Variants in XKR4 observed in about 807,000 individuals in gnomAD.
XKR4 encodes the protein XK related 4, also known as XK-related protein 4.
A neutral mutation model predicts 53.9 loss-of-function variants in XKR4; 12 were observed. That is an observed-to-expected ratio of 0.22 (90% confidence interval 0.14 to 0.36). XKR4 has a LOEUF of 0.36. XKR4 is among the 10% of genes least tolerant of loss of function. XKR4 has a pLI of 1.00. For synonymous variants in XKR4, 354 were observed against 362.4 expected (o/e 0.98, Z 0.26); for missense variants, 799 against 859.5 (o/e 0.93, Z 0.88).
intron 2 of XKR4, chr8:55,451,864 G>A (rs1303234076): frequency 1.5e-5 from 13 of 866,174 alleles, no homozygotes; most frequent in Non-Finnish European, 2.5e-5. Flanking sequence ...CAAGGCTGAG[G>A]ACGGGGTCAG....
At chr8:55,515,507 A>C (rs894423958) in intron 2 of XKR4, among the ~76,000 whole-genome samples, 2 of 152,204 alleles carry the variant, frequency 1.3e-5, no homozygotes, top group African/African-American at 2.4e-5. Context: ...ATCTCTAAAC[A>C]CACTGCAGAA....
intron 1 of XKR4, among the ~76,000 whole-genome samples, chr8:55,135,867 A>G (rs1248865727): frequency 6.7e-6 from 1 of 149,290 alleles, no homozygotes; most frequent in Non-Finnish European, 1.5e-5. Context: ...TTTTTCTCTG[A>G]GATTTCCTTT....
chr8:55,449,840 T>C, intron 2 of XKR4: 4 of 1,087,052 alleles, frequency 3.7e-6, no homozygotes, highest in Non-Finnish European at 5.7e-6. Flanking sequence ...GGACCTGTTC[T>C]CACTCTCAGC....
chr8:55,405,951 G>T (rs913562963), intron 2 of XKR4, among the ~76,000 whole-genome samples: 2 of 152,180 alleles, frequency 1.3e-5, no homozygotes, highest in African/African-American at 4.8e-5. Flanking sequence ...GGACCCCACA[G>T]GAGTGAGCAG....
chr8:55,396,629 T>C (rs1804523082), intron 2 of XKR4, among the ~76,000 whole-genome samples: 2 of 152,138 alleles, frequency 1.3e-5, no homozygotes, highest in African/African-American at 4.8e-5. Context: ...GTTTCATTTC[T>C]CACTCCTGGA....
intron 1 of XKR4, chr8:55,164,231 G>GCCTCCCCACA (rs768069278): frequency 4.6e-5 from 21 of 456,392 alleles, no homozygotes; most frequent in African/African-American, 4.2e-4. Flanking sequence ...GAATTCTGTC[G>GCCTCCCCACA]GCATTGAGAC....
chr8:55,347,986 C>T (rs2129383141), intron 1 of XKR4, among the ~76,000 whole-genome samples: 1 of 152,212 alleles, frequency 6.6e-6, no homozygotes, highest in Non-Finnish European at 1.5e-5. Flanking sequence ...AAAGGAAAAC[C>T]TTAGTGAGCC....
intron 1 of XKR4, among the ~76,000 whole-genome samples, chr8:55,326,444 A>G (rs1803293779): frequency 7.0e-6 from 1 of 143,002 alleles, no homozygotes; most frequent in Non-Finnish European, 1.5e-5. Flanking sequence ...ACTACACAAT[A>G]TTCCCCTCAA....
intron 1 of XKR4, among the ~76,000 whole-genome samples, chr8:55,113,231 T>TA (rs1301972375): frequency 6.6e-6 from 1 of 152,210 alleles, no homozygotes; most frequent in Non-Finnish European, 1.5e-5. Context: ...CATGTCCAAA[T>TA]ACTCTAGAAA....
At chr8:55,382,734 C>T (rs1804253521) in intron 2 of XKR4, among the ~76,000 whole-genome samples, 1 of 152,094 alleles carries the variant, frequency 6.6e-6, no homozygotes, top group Admixed American at 6.6e-5. Flanking sequence ...AGAGTAGTTC[C>T]ATTTATCAAT....
In XKR4 at chr8:55,453,312, C is replaced by A. The variant is rs1182529055; in HGVS notation, c.1007-69969C>A. ...AGGCAGCAGTTCATCATACTGATGA[C>A]AAAGTCAAACTGCTGGTGGTCCAGG... On this transcript the variant is annotated intron_variant, in intron 2 of 2. Transcript: ENST00000327381. 8.3e-6 allele frequency: 4 copies of A among 482,236 alleles called. No individual in the cohort carries two copies. The Admixed American group carries it at 9.3e-5, about 11-fold the overall frequency. The allele number at this position is 482,236 out of a possible 1,614,324, so 29.9% of individuals were successfully genotyped here. A position where few individuals can be genotyped will look rare whatever the true frequency, so the allele number is the denominator to read the frequency against.
At chr8:55,275,472 G>A (rs4397385) in intron 1 of XKR4, among the ~76,000 whole-genome samples, 35,056 of 151,868 alleles carry the variant, frequency 0.23, 4,414 homozygotes, top group East Asian at 0.48. Context: ...TTCATTTTTG[G>A]CTGAACAGGA....
In XKR4 at chr8:55,406,537, G is replaced by A. The variant is rs183698572; in HGVS notation, c.1006+48660G>A. 1.1e-4 allele frequency among the ~76,000 whole-genome samples: 16 copies of A among 152,248 alleles called. No homozygotes were observed. The East Asian group carries it at 2.1e-3, about 20-fold the overall frequency. On this transcript the variant is annotated intron_variant, in intron 2 of 2. Transcript: ENST00000327381. Reference sequence around the variant, plus strand: ...GAAAGGCCCGGGTCTGCCTGGCCCCGGAACCAAGGTCTTACCTACTTCCTG... The same window carrying A: ...GAAAGGCCCGGGTCTGCCTGGCCCCAGAACCAAGGTCTTACCTACTTCCTG...
At chr8:55,451,896 C>T in intron 2 of XKR4, 1 of 834,210 alleles carries the variant, frequency 1.2e-6, no homozygotes, top group Middle Eastern at 2.3e-4. Context: ...CCAGCTCTTC[C>T]GACACTGAGA....
chr8:55,436,769 T>G (rs1585571988), intron 2 of XKR4, among the ~76,000 whole-genome samples: 2 of 152,316 alleles, frequency 1.3e-5, no homozygotes, highest in Middle Eastern at 6.8e-3. Flanking sequence ...GAGCCTCCAC[T>G]TCCCCTTCTC....
chr8:55,413,727 C>G (rs1347403323), intron 2 of XKR4, among the ~76,000 whole-genome samples: 1 of 152,144 alleles, frequency 6.6e-6, no homozygotes, highest in Non-Finnish European at 1.5e-5. Flanking sequence ...TTTTGCCACT[C>G]AAGCGATATT....
Position 55,486,296 on chromosome 8 carries a change from C to T in XKR4, c.1007-36985C>T, listed in dbSNP as rs531017470. Among the ~76,000 whole-genome samples, 50 of 152,242 alleles carry T rather than the reference C, an allele frequency of 3.3e-4. 2 individuals are homozygous for T. In the South Asian group the frequency reaches 1.0e-2, roughly 30 times the overall value. On this transcript the variant is annotated intron_variant, in intron 2 of 2. Coordinates refer to ENST00000327381, the MANE Select transcript of XKR4 (RefSeq NM_052898.2). ...CTATCAAAAACCTCAGTGAGTCACCCCTGCATATGCAGTCACCCAAAGAGC... is the reference window on the plus strand; with the variant it reads ...CTATCAAAAACCTCAGTGAGTCACCTCTGCATATGCAGTCACCCAAAGAGC...
chr8:55,267,058 G>C (rs1818614644), intron 1 of XKR4, among the ~76,000 whole-genome samples: 1 of 152,156 alleles, frequency 6.6e-6, no homozygotes, highest in Non-Finnish European at 1.5e-5. Context: ...GAAATCTGAT[G>C]GGGTTGGTGC....
intron 1 of XKR4, among the ~76,000 whole-genome samples, chr8:55,342,362 C>T (rs1029924621): frequency 3.9e-5 from 6 of 152,130 alleles, no homozygotes. Context: ...AACAGCCTGC[C>T]TCTGACTCTA....
Sources: gnomAD v4.1 joint callset for allele counts (sites outside exome capture counted in the v4.1 genomes callset) on GRCh38, gnomAD v4.1.1 for gene constraint, MANE v1.5 for transcripts, NCBI Gene and HGNC (gene_info 2026-07-23, HGNC 2026-07-21) for gene names.